Variants in KCTD8 observed in about 807,000 individuals in gnomAD.
KCTD8 encodes BTB/POZ domain-containing protein KCTD8.
KCTD8 carries 27 observed loss-of-function variants against 31.5 expected under a neutral mutation model. That is an observed-to-expected ratio of 0.86 (90% CI 0.63 to 1.18). KCTD8 has a LOEUF of 1.18. Among genes scored for constraint, KCTD8 ranks in the 50% most tolerant of loss-of-function variants. The pLI is 0.00. For synonymous variants in KCTD8, 290 were observed against 280.0 expected, an observed-to-expected ratio of 1.04 and a Z score of -0.36; for missense variants, 658 against 647.7, an observed-to-expected ratio of 1.02 and a Z score of -0.17.
At chr4:44,305,331 C>T (rs546318139) in intron 1 of KCTD8, among the ~76,000 whole-genome samples, 19 of 151,548 alleles carry the variant, frequency 1.3e-4, no homozygotes, top group Admixed American at 1.1e-3. Context: ...AGTTGGGTTG[C>T]TTCCTGATTA....
intron 1 of KCTD8, among the ~76,000 whole-genome samples, chr4:44,280,507 G>T (rs1577591078): frequency 6.6e-6 from 1 of 152,064 alleles, no homozygotes; most frequent in Middle Eastern, 3.4e-3. Flanking sequence ...CACTACTAAG[G>T]CTTGAGAAAA....
intron 1 of KCTD8, among the ~76,000 whole-genome samples, chr4:44,416,025 G>T (rs552081969): frequency 1.3e-5 from 2 of 152,200 alleles, no homozygotes; most frequent in African/African-American, 4.8e-5. Flanking sequence ...CACATGGGCT[G>T]TACCCTGAAA....
chr4:44,324,368 T>C (rs1718387976), intron 1 of KCTD8, among the ~76,000 whole-genome samples: 1 of 152,032 alleles, frequency 6.6e-6, no homozygotes, highest in African/African-American at 2.4e-5. Context: ...ACATTCTTTC[T>C]TTTGATATTT....
At chr4:44,195,604 A>G (rs904065703) in intron 1 of KCTD8, among the ~76,000 whole-genome samples, 1 of 152,238 alleles carries the variant, frequency 6.6e-6, no homozygotes, top group Non-Finnish European at 1.5e-5. Flanking sequence ...TAGCAATGAT[A>G]TGCATATAAC....
chr4:44,412,974 A>G (rs1720996690), intron 1 of KCTD8, among the ~76,000 whole-genome samples: 1 of 152,106 alleles, frequency 6.6e-6, no homozygotes, highest in African/African-American at 2.4e-5. Context: ...TTGTCGCTGC[A>G]ATTTATTTAT....
chr4:44,437,376 T>C (rs1324632854), intron 1 of KCTD8, among the ~76,000 whole-genome samples: 1 of 152,198 alleles, frequency 6.6e-6, no homozygotes, highest in Non-Finnish European at 1.5e-5. Context: ...ATATGTTCAC[T>C]ACTGTTTACT....
chr4:44,233,516 T>C (rs1328263230), intron 1 of KCTD8, among the ~76,000 whole-genome samples: 1 of 152,216 alleles, frequency 6.6e-6, no homozygotes, highest in South Asian at 2.1e-4. Flanking sequence ...CCTGACTTCA[T>C]TAAGATTAAA....
chr4:44,344,017 C>T (rs975645205), intron 1 of KCTD8, among the ~76,000 whole-genome samples: 1 of 151,970 alleles, frequency 6.6e-6, no homozygotes, highest in Non-Finnish European at 1.5e-5. Flanking sequence ...CACCACCACA[C>T]CCAGCTAATT....
intron 1 of KCTD8, among the ~76,000 whole-genome samples, chr4:44,262,842 A>C (rs2109366402): frequency 6.6e-6 from 1 of 152,314 alleles, no homozygotes; most frequent in Admixed American, 6.5e-5. Flanking sequence ...ATAATGTAAC[A>C]GCATATTCAA....
intron 1 of KCTD8, among the ~76,000 whole-genome samples, chr4:44,352,608 A>AAT: frequency 1.1e-5 from 1 of 90,288 alleles, no homozygotes; most frequent in Non-Finnish European, 2.8e-5. Context: ...GAGAATAAAG[A>AAT]CCAGATTTTT....
chr4:44,296,279 A>C lies in KCTD8; in HGVS notation c.962-121029T>G, dbSNP rs879419082. ...ATTTCTCTGCCTTTCTTTCCATTCT[A>C]ACCACACTGAATTCCTTTCTAGCCA... On this transcript the variant is annotated intron_variant, in intron 1 of 1. Coordinates refer to ENST00000360029, the MANE Select transcript of KCTD8 (RefSeq NM_198353.3). Among the ~76,000 whole-genome samples, 9 of 151,576 alleles carry C rather than the reference A, an allele frequency of 5.9e-5. No individual in the cohort carries two copies. The East Asian group carries it at 1.5e-3, about 26-fold the overall frequency.
chr4:44,441,791 A>G (rs965373461), intron 1 of KCTD8, among the ~76,000 whole-genome samples: 1 of 152,242 alleles, frequency 6.6e-6, no homozygotes, highest in African/African-American at 2.4e-5. Context: ...CACTTAGCAT[A>G]AAATTAGGTG....
chr4:44,387,914 T>C (rs1720264175), intron 1 of KCTD8, among the ~76,000 whole-genome samples: 2 of 151,068 alleles, frequency 1.3e-5, no homozygotes, highest in Non-Finnish European at 3.0e-5. Flanking sequence ...ACTTGCCAAC[T>C]GAGTAAAGAG....
chr4:44,412,148 A>G (rs7664938), intron 1 of KCTD8, among the ~76,000 whole-genome samples: 24,766 of 152,134 alleles, frequency 0.16, 2,214 homozygotes, highest in Non-Finnish European at 0.2. Context: ...CATGTGGCCA[A>G]CTGAGAAGAG....
rs533285770 is a variant in KCTD8 at position 44,323,443 on chromosome 4, G to A, written c.961+124120C>T. Among the ~76,000 whole-genome samples the A allele has an allele frequency of 2.3e-4, 35 of 151,430 alleles. No individual in the cohort carries two copies. The South Asian group carries it at 6.0e-3, about 26-fold the overall frequency. On this transcript the variant is annotated intron_variant, in intron 1 of 1. Coordinates refer to ENST00000360029, the MANE Select transcript of KCTD8 (RefSeq NM_198353.3). ...TAGGAGGCAGAGGTTGCAGTGAGCT[G>A]AGATTGCGCCACTGCACTCCAGCCT...
At chr4:44,436,790 T>A (rs1449635616) in intron 1 of KCTD8, among the ~76,000 whole-genome samples, 1 of 151,822 alleles carries the variant, frequency 6.6e-6, no homozygotes, top group African/African-American at 2.4e-5. Flanking sequence ...CTAGAAACTT[T>A]AAAAAAAATG....
intron 1 of KCTD8, among the ~76,000 whole-genome samples, chr4:44,376,063 T>C (rs1719909766): frequency 6.6e-6 from 1 of 152,168 alleles, no homozygotes; most frequent in African/African-American, 2.4e-5. Flanking sequence ...TTGCAATTAT[T>C]GTTTCTCTGA....
chr4:44,198,697 C>G (rs1714024093), intron 1 of KCTD8, among the ~76,000 whole-genome samples: 1 of 152,076 alleles, frequency 6.6e-6, no homozygotes, highest in African/African-American at 2.4e-5. Context: ...CTTGCTACCA[C>G]AAAAACACAC....
Position 44,182,153 on chromosome 4 carries a change from C to T in KCTD8, c.962-6903G>A, listed in dbSNP as rs559871702. Among the ~76,000 whole-genome samples the T allele has an allele frequency of 5.2e-3, 790 of 151,670 alleles. 6 individuals carry two copies. The highest frequency in any genetic ancestry group is 0.017 in the African/African-American group (722 of 41,360). ...TCAGCCCCCGCCCGGCCAGCCGCCCCGTCCGAGAGGGAGGTGGGGGGGCGC... is the reference window on the plus strand; with the variant it reads ...TCAGCCCCCGCCCGGCCAGCCGCCCTGTCCGAGAGGGAGGTGGGGGGGCGC... On this transcript the variant is annotated intron_variant, in intron 1 of 1. Coordinates refer to ENST00000360029, the MANE Select transcript of KCTD8 (RefSeq NM_198353.3).
Sources: gnomAD v4.1 joint callset for allele counts (sites outside exome capture counted in the v4.1 genomes callset) on GRCh38, gnomAD v4.1.1 for gene constraint, MANE v1.5 for transcripts, NCBI Gene and HGNC (gene_info 2026-07-23, HGNC 2026-07-21) for gene names.